IRAG1: variants seen among roughly 807,000 people sequenced by gnomAD.
IRAG1 encodes IP3R-associated cGMP kinase substrate.
IRAG1 carries 62 observed loss-of-function variants against 106.2 expected under a neutral mutation model. The ratio of observed to expected loss-of-function variants is 0.58; its 90% CI spans 0.48 to 0.72. IRAG1 has a LOEUF of 0.72. IRAG1 is among the 30% of genes least tolerant of loss of function. The pLI is 0.00. For missense variants in IRAG1, 1,064 were observed against 1,140.7 expected (o/e 0.93, Z 0.97); for synonymous variants, 462 against 443.9 (o/e 1.04, Z -0.51).
intron 15 of IRAG1, among the ~76,000 whole-genome samples, chr11:10,599,235 TTGGGTC>T (rs1248117973): frequency 6.6e-6 from 1 of 152,196 alleles, no homozygotes; most frequent in African/African-American, 2.4e-5. Flanking sequence ...GGGAGCTCCT[TTGGGTC>T]TGTGACTGTG....
At chr11:10,677,978 A>G (rs1860827973) in intron 1 of IRAG1, among the ~76,000 whole-genome samples, 1 of 152,104 alleles carries the variant, frequency 6.6e-6, no homozygotes, top group Admixed American at 6.5e-5. Flanking sequence ...TTTATGGCTG[A>G]ATAATATTCC....
At position 10,576,350 on chromosome 11, in the gene IRAG1, C is replaced by CATG; in HGVS notation, c.2720_2721insCAT (p.Glu907delinsAspMet). The CATG allele has an allele frequency of 3.1e-6, 5 of 1,613,884 alleles. No homozygotes were observed. The highest frequency in any genetic ancestry group is 4.2e-6 in the Non-Finnish European group (5 of 1,179,858). ...AGGTTTCCTACTGCTCTGTAGGCTG[C>CATG]TCATGCTGGAGTCCTGAGCTCCACC... On this transcript the variant is annotated protein_altering_variant, in exon 21 of 21. Coordinates refer to ENST00000423302, the MANE Select transcript of IRAG1 (RefSeq NM_130385.4).
Position 10,582,397 on chromosome 11 carries a change from AGGCACATTGTAATGTGCTGGG to A in IRAG1, c.2241-432_2241-412del, listed in dbSNP as rs368391871. ...TATCCACTCAGCATGACTAAGCCAC[AGGCACATTGTAATGTGCTGGG>A]GGCACATTAGAAAATAAAGAAATGG... On this transcript the variant is annotated intron_variant, in intron 18 of 20. Coordinates refer to ENST00000423302, the MANE Select transcript of IRAG1 (RefSeq NM_130385.4). Among the ~76,000 whole-genome samples the A allele has an allele frequency of 2.7e-3, 413 of 152,342 alleles. 1 individual carries two copies. The highest frequency in any genetic ancestry group is 9.6e-3 in the East Asian group (50 of 5,188).
At chr11:10,594,009 T>A in intron 16 of IRAG1, 137 bp downstream of exon 16, 1 of 790,086 alleles carries the variant, frequency 1.3e-6, no homozygotes, top group Non-Finnish European at 2.0e-6. Flanking sequence ...AACTTGAGAG[T>A]GTGGAAAGCC....
intron 10 of IRAG1, among the ~76,000 whole-genome samples, chr11:10,617,704 T>C (rs1855536195): frequency 6.6e-6 from 1 of 152,160 alleles, no homozygotes; most frequent in Non-Finnish European, 1.5e-5. Flanking sequence ...TCCTCCTGTC[T>C]CACAATTCAT....
At chr11:10,652,207 T>C (rs1019591184) in intron 1 of IRAG1, 25 bp from the exon 2 acceptor site, 2 of 1,612,714 alleles carry the variant, frequency 1.2e-6, no homozygotes, top group Non-Finnish European at 1.7e-6. Flanking sequence ...AAAGGACAAG[T>C]CAAATCCATT....
intron 1 of IRAG1, among the ~76,000 whole-genome samples, chr11:10,692,583 C>G (rs529262812): frequency 4.9e-4 from 75 of 152,284 alleles, no homozygotes; most frequent in Non-Finnish European, 8.5e-4. Context: ...GCCTCACAGT[C>G]CCAGGAAGCT....
chr11:10,642,488 G>A (rs1194638300), intron 2 of IRAG1, among the ~76,000 whole-genome samples: 1 of 152,208 alleles, frequency 6.6e-6, no homozygotes, highest in East Asian at 1.9e-4. Flanking sequence ...GCAGGCATGG[G>A]GGGTTTAGAT....
intron 10 of IRAG1, among the ~76,000 whole-genome samples, chr11:10,615,816 C>G (rs10450574): frequency 1.3e-4 from 19 of 151,706 alleles, no homozygotes; most frequent in African/African-American, 4.6e-4. Flanking sequence ...ATAGCATTAG[C>G]AGATATACCT....
intron 1 of IRAG1, 108 bp from the exon 2 acceptor site, chr11:10,652,290 T>C: frequency 6.5e-6 from 10 of 1,536,622 alleles, no homozygotes; most frequent in South Asian, 3.8e-5. Context: ...TGAGTTTGCA[T>C]CAACACCGGA....
intron 4 of IRAG1, chr11:10,630,086 A>G (rs1402388736): frequency 5.9e-6 from 1 of 170,084 alleles, no homozygotes; most frequent in Non-Finnish European, 1.2e-5. Flanking sequence ...AGGTTTGTGA[A>G]TAAAAGAAGG....
Position 10,693,540 on chromosome 11 carries a change from A to G in IRAG1, c.63T>C (p.Val21=). The stretch of plus-strand genomic sequence containing the variant: ...TAGGATATAGGGGAGGCTTACCTAA[A>G]ACTGAGTTATTCTCCTTTCCTCCTC... ...LARGGKENNS[V]LACGAQASWS... The change falls in exon 1 of 21, where the codon GTT becomes GTC. Residue 21 remains valine, a synonymous_variant. Coordinates refer to ENST00000423302, the MANE Select transcript of IRAG1 (RefSeq NM_130385.4). 2 of 1,535,584 alleles carry G rather than the reference A, an allele frequency of 1.3e-6. No individual in the cohort carries two copies. The highest frequency in any genetic ancestry group is 1.7e-6 in the Non-Finnish European group (2 of 1,146,846).
intron 10 of IRAG1, among the ~76,000 whole-genome samples, chr11:10,612,269 G>A (rs1280208343): frequency 6.6e-6 from 1 of 152,104 alleles, no homozygotes; most frequent in Non-Finnish European, 1.5e-5. Flanking sequence ...AACCTAAATT[G>A]GTGAAACAAT....
chr11:10,682,471 T>C (rs1457985849), intron 1 of IRAG1, among the ~76,000 whole-genome samples: 2 of 152,206 alleles, frequency 1.3e-5, no homozygotes, highest in Admixed American at 6.5e-5. Context: ...TTTTTTTCCT[T>C]TCTGGGACCA....
At chr11:10,690,257 G>A in intron 1 of IRAG1, 1 of 443,650 alleles carries the variant, frequency 2.3e-6, no homozygotes. Flanking sequence ...AGGCATGGTG[G>A]TACTCACCTG....
At position 10,652,059 on chromosome 11, in the gene IRAG1, C is replaced by A. The variant is rs769162010; in HGVS notation, c.191G>T (p.Gly64Val). The change falls in exon 2 of 21, where the codon GGA becomes GTA. Residue 64 changes from glycine (G) to valine (V), a missense_variant. Coordinates refer to ENST00000423302, the MANE Select transcript of IRAG1 (RefSeq NM_130385.4). ...PHIPEDEEPP[G>V]EPQAAQSPAG... is the part of the protein sequence containing the mutation. Reference sequence around the variant, plus strand: ...AGGGCTCTGGGCTGCCTGTGGCTCTCCGGGGGGCTCCTCGTCCTCGGGAAT... The same window carrying A: ...AGGGCTCTGGGCTGCCTGTGGCTCTACGGGGGGCTCCTCGTCCTCGGGAAT... The A allele has an allele frequency of 3.1e-6, 5 of 1,591,034 alleles. No individual in the cohort carries two copies. The highest frequency in any genetic ancestry group is 4.3e-6 in the Non-Finnish European group (5 of 1,169,700).
Position 10,693,707 on chromosome 11 carries a change from G to A in IRAG1, c.-105C>T, listed in dbSNP as rs915590237. On this transcript the variant is annotated 5_prime_UTR_variant, in exon 1 of 21. Transcript: ENST00000423302. ...CTGAGAGGGGCTGGGACTTAGAGCC[G>A]AGAGCTCCTCTGGGAGCCCCACTCC... The A allele has an allele frequency of 3.6e-5, 49 of 1,342,918 alleles. No individual in the cohort carries two copies. The highest frequency in any genetic ancestry group is 2.5e-4 in the Admixed American group (12 of 47,248). 83.2% of individuals were successfully genotyped at this position (1,342,918 alleles called of 1,614,324 possible). A position where few individuals can be genotyped will look rare whatever the true frequency, so the allele number is the denominator to read the frequency against.
At chr11:10,644,866 G>A (rs1857818673) in intron 2 of IRAG1, among the ~76,000 whole-genome samples, 1 of 152,172 alleles carries the variant, frequency 6.6e-6, no homozygotes, top group Admixed American at 6.5e-5. Flanking sequence ...CCTCTCTGTT[G>A]GCCAGTGAGG....
At chr11:10,614,545 T>C (rs1337067475) in intron 10 of IRAG1, among the ~76,000 whole-genome samples, 3 of 152,144 alleles carry the variant, frequency 2.0e-5, no homozygotes, top group African/African-American at 4.8e-5. Flanking sequence ...CAAACTATAC[T>C]ACAAGGCTAC....
Sources: allele counts gnomAD v4.1 joint callset (sites outside exome capture counted in the v4.1 genomes callset), GRCh38; gene constraint gnomAD v4.1.1; transcripts MANE v1.5; gene names NCBI Gene and HGNC (gene_info 2026-07-23, HGNC 2026-07-21).